RIOK2: variants seen among roughly 807,000 people sequenced by gnomAD.
The protein encoded by RIOK2 is RIO kinase 2, also known as serine/threonine-protein kinase RIO2.
RIOK2 carries 46 observed loss-of-function variants against 62.4 expected under a neutral mutation model. The observed-to-expected ratio is 0.74, with a 90% CI of 0.58 to 0.94. The LOEUF (loss-of-function observed/expected upper bound fraction) is 0.94. Ranked by LOEUF, RIOK2 falls within the 40% of genes least tolerant of loss-of-function variation. The pLI is 0.00. For missense variants in RIOK2, 574 were observed against 658.0 expected (o/e 0.87, Z 1.40); for synonymous variants, 197 against 216.0 (o/e 0.91, Z 0.77).
chr5:97,178,483 A>G (rs113348596), intron 2 of RIOK2, among the ~76,000 whole-genome samples: 21,513 of 147,710 alleles, frequency 0.15, 1,877 homozygotes, highest in African/African-American at 0.26. Context: ...CAGTACCTAC[A>G]TGCTCTTCTG....
intron 1 of RIOK2, among the ~76,000 whole-genome samples, chr5:97,180,952 GCACTGAGAGT>G (rs1449183565): frequency 1.3e-5 from 2 of 151,958 alleles, no homozygotes; most frequent in Non-Finnish European, 1.5e-5. Context: ...TTTGGTTTGA[GCACTGAGAGT>G]CAAATAAAAA....
rs10476699 is a variant in RIOK2, at chr5:97,182,792, G to A, written c.66+334C>T. On this transcript the variant is annotated intron_variant, in intron 1 of 9. Transcript: ENST00000283109. ...TTATCAAATCTCGGGGGGGGGGGGG[G>A]GCTTAAACCTTTCACAGCTGGTCGG... 3.0e-4 allele frequency: 58 copies of A among 190,448 alleles called. No individual in the cohort carries two copies. In the East Asian group the frequency reaches 3.9e-3, roughly 13 times the overall value. 11.8% of individuals were successfully genotyped at this position (190,448 alleles called of 1,614,324 possible).
intron 2 of RIOK2, 24 bp downstream of exon 2, chr5:97,179,031 C>T (rs1749259927): frequency 6.2e-7 from 1 of 1,613,410 alleles, no homozygotes; most frequent in South Asian, 1.1e-5. Flanking sequence ...TGAAAAATCA[C>T]AAATGGTGCC....
intron 1 of RIOK2, among the ~76,000 whole-genome samples, chr5:97,180,144 A>ATATATATATATATATG (rs1554083624): frequency 1.9e-4 from 11 of 57,538 alleles, no homozygotes; most frequent in African/African-American, 4.5e-4. Context: ...ATATATATGT[A>ATATATATATATATATG]TATATATATA....
chr5:97,176,546 T>C (rs1749167307), intron 4 of RIOK2, among the ~76,000 whole-genome samples: 1 of 152,160 alleles, frequency 6.6e-6, no homozygotes, highest in Non-Finnish European at 1.5e-5. Context: ...TTCACCTTGT[T>C]GGTCAGGCTG....
chr5:97,168,946 C>A, intron 6 of RIOK2, 94 bp from the exon 7 acceptor site: 2 of 614,604 alleles, frequency 3.3e-6, no homozygotes, highest in East Asian at 2.9e-5. Context: ...AATGGTATTG[C>A]TCCTCCTTAC....
Position 97,179,093 on chromosome 5 carries a change from A to G in RIOK2, c.167T>C (p.Leu56Ser), listed in dbSNP as rs749804357. 1.2e-6 allele frequency: 2 copies of G among 1,613,972 alleles called. No homozygotes were observed. Among genetic ancestry groups the G allele is most frequent in the South Asian group, 1.1e-5 (1 of 91,078 alleles). The change falls in exon 2 of 10, where the codon TTA becomes TCA. Residue 56 changes from leucine to serine, a missense_variant. Leu to Ser is a moderately radical substitution (Grantham distance 145, BLOSUM62 -2). Coordinates refer to ENST00000283109, the MANE Select transcript of RIOK2 (RefSeq NM_018343.3). ...HGGCNKVLRE[L>S]VKHKLIAWER... is the part of the protein sequence containing the mutation. ...CCAAGCTATGAGTTTATGTTTCACT[A>G]ATTCTCTTAAAACTTTATTACAGCC...
Position 97,163,119 on chromosome 5 carries a change from C to G in RIOK2, c.1601G>C (p.Arg534Thr), listed in dbSNP as rs1748746611. 1 of 1,613,452 alleles carries G rather than the reference C, an allele frequency of 6.2e-7. No individual in the cohort carries two copies. The highest frequency in any genetic ancestry group is 1.3e-5 in the African/African-American group (1 of 75,010). Reference sequence around the variant, plus strand: ...TGATTTGATATTTTGCATGTTTTCCCTACGTTGCTTGGTAAATATATTTGC... The same window carrying G: ...TGATTTGATATTTTGCATGTTTTCCGTACGTTGCTTGGTAAATATATTTGC... ...GEANIFTKQR[R>T]ENMQNIKSSL... The change falls in exon 10 of 10, where the codon AGG becomes ACG. Residue 534 changes from arginine (R) to threonine (T), a missense_variant. By Grantham distance (71) the Arg-to-Thr change is moderately conservative. Transcript: ENST00000283109.
rs955166708 is a variant in RIOK2 at position 97,162,403 on chromosome 5, T to C, written c.*658A>G. The C allele has an allele frequency of 2.3e-4, 35 of 152,354 alleles. No homozygotes were observed. Among genetic ancestry groups the C allele is most frequent in the African/African-American group, 8.2e-4 (34 of 41,454 alleles). 9.4% of individuals were successfully genotyped at this position (152,354 alleles called of 1,614,324 possible). A position where few individuals can be genotyped will look rare whatever the true frequency, so the allele number is the denominator to read the frequency against. ...ATTTCATTCCTCATTCTACTCCACC[T>C]TCCCCAACCCCTAACTCTTCTGCTA... On this transcript the variant is annotated 3_prime_UTR_variant, in exon 10 of 10. Transcript: ENST00000283109.
intron 4 of RIOK2, among the ~76,000 whole-genome samples, chr5:97,175,295 T>C (rs888655438): frequency 1.3e-5 from 2 of 152,200 alleles, no homozygotes; most frequent in African/African-American, 4.8e-5. Context: ...TTTTTTTCAG[T>C]GTAGACCATT....
At chr5:97,178,983 G>A in intron 2 of RIOK2, 72 bp downstream of exon 2, 4 of 1,572,232 alleles carry the variant, frequency 2.5e-6, no homozygotes, top group Non-Finnish European at 3.5e-6. Context: ...TCTACTTCTT[G>A]ACTTTTGGAA....
At chr5:97,183,095 G>T (rs1293915651) in intron 1 of RIOK2, 31 bp downstream of exon 1, 6 of 1,611,840 alleles carry the variant, frequency 3.7e-6, no homozygotes, top group Non-Finnish European at 5.1e-6. Flanking sequence ...GTGTTAAGGG[G>T]AAGGGAGAAC....
intron 5 of RIOK2, among the ~76,000 whole-genome samples, chr5:97,172,562 G>C (rs372490329): frequency 6.6e-6 from 1 of 152,110 alleles, no homozygotes; most frequent in African/African-American, 2.4e-5. Flanking sequence ...CTCTTAACTT[G>C]TCTTCCTAAT....
Position 97,177,756 on chromosome 5 carries a change from G to C in RIOK2, c.298C>G (p.Gln100Glu), listed in dbSNP as rs1749208965. ...CCTGATTCTTTGCCAACACCCATCT[G>C]GTTTCCAACAGACTCAACTACTTGC... is the stretch of plus-strand genomic sequence containing the variant. ...SRQVVESVGNQMGVGKESDIY... is the reference protein window; with the variant it reads ...SRQVVESVGNEMGVGKESDIY... Residue 100 changes from glutamine (Q) to glutamate (E), a missense_variant, in exon 3 of 10, where the codon CAG becomes GAG. Physicochemically the swap from Gln to Glu is conservative, Grantham distance 29. Transcript: ENST00000283109. 1 of 1,609,064 alleles carries C rather than the reference G, an allele frequency of 6.2e-7. No individual in the cohort carries two copies. Among genetic ancestry groups the C allele is most frequent in the African/African-American group, 1.3e-5 (1 of 74,872 alleles).
intron 4 of RIOK2, among the ~76,000 whole-genome samples, chr5:97,173,493 G>C (rs1749074061): frequency 1.3e-5 from 2 of 152,044 alleles, no homozygotes; most frequent in Non-Finnish European, 1.5e-5. Flanking sequence ...CACAAAAAAT[G>C]AACATTTACA....
chr5:97,169,191 G>GGTTTCCAC (rs1748928122), intron 6 of RIOK2, among the ~76,000 whole-genome samples: 1 of 152,154 alleles, frequency 6.6e-6, no homozygotes, highest in South Asian at 2.1e-4. Flanking sequence ...TTTGGGGATA[G>GGTTTCCAC]GTTTCCACTT....
At chr5:97,178,801 C>T (rs867461647) in intron 2 of RIOK2, 5 of 492,552 alleles carry the variant, frequency 1.0e-5, no homozygotes, top group South Asian at 4.2e-5. Context: ...CAGTACTCTA[C>T]GTGCTCTTCT....
At chr5:97,179,581 G>A (rs775304604) in intron 1 of RIOK2, among the ~76,000 whole-genome samples, 1 of 151,848 alleles carries the variant, frequency 6.6e-6, no homozygotes, top group South Asian at 2.1e-4. Flanking sequence ...ATGAATGATA[G>A]ACTGGATAAA....
chr5:97,177,922 A>G, intron 2 of RIOK2, 74 bp from the exon 3 acceptor site: 1 of 886,440 alleles, frequency 1.1e-6, no homozygotes, highest in Non-Finnish European at 1.8e-6. Flanking sequence ...TTCAAGTCAT[A>G]AGAAAGATTT....
Sources: gnomAD v4.1 joint callset for allele counts (sites outside exome capture counted in the v4.1 genomes callset) on GRCh38, gnomAD v4.1.1 for gene constraint, MANE v1.5 for transcripts, NCBI Gene and HGNC (gene_info 2026-07-23, HGNC 2026-07-21) for gene names.